The following ITFG1 variants were observed in gnomAD, a reference collection of about 807,000 sequenced individuals.
The protein encoded by ITFG1 is integrin alpha FG-GAP repeat containing 1, also known as T-cell immunomodulatory protein.
Under a neutral mutation model 81.8 loss-of-function variants are expected in ITFG1, and 34 were observed. That is an observed-to-expected ratio of 0.42 (90% CI 0.32 to 0.55). ITFG1 has a LOEUF of 0.55. Among genes scored for constraint, ITFG1 ranks in the 20% least tolerant of loss-of-function variants. The probability of loss-of-function intolerance (pLI) is 0.17; values close to 1 mark genes in which losing one functional copy is unlikely to be tolerated. For missense variants in ITFG1, 672 were observed against 755.4 expected (o/e 0.89, Z 1.29); for synonymous variants, 285 against 270.6 (o/e 1.05, Z -0.52).
At chr16:47,360,115 A>C (rs1459266275) in intron 8 of ITFG1, among the ~76,000 whole-genome samples, 1 of 152,252 alleles carries the variant, frequency 6.6e-6, no homozygotes, top group Non-Finnish European at 1.5e-5. Flanking sequence ...AAATGGAAGG[A>C]AAATGAATTG....
intron 14 of ITFG1, among the ~76,000 whole-genome samples, chr16:47,205,760 C>G (rs1049692283): frequency 3.9e-5 from 6 of 152,130 alleles, no homozygotes; most frequent in African/African-American, 1.4e-4. Flanking sequence ...GTATCATCAA[C>G]CAGTGTGCAA....
At chr16:47,406,294 T>C (rs1050022823) in intron 6 of ITFG1, among the ~76,000 whole-genome samples, 5 of 152,358 alleles carry the variant, frequency 3.3e-5, no homozygotes, top group African/African-American at 4.8e-5. Context: ...TTATTTTCTA[T>C]GTCTGCTTAG....
At chr16:47,265,381 CAG>C (rs898911720) in intron 10 of ITFG1, among the ~76,000 whole-genome samples, 3 of 151,884 alleles carry the variant, frequency 2.0e-5, no homozygotes, top group Non-Finnish European at 4.4e-5. Context: ...TGTAGGCAAA[CAG>C]AAAAGTCTTT....
chr16:47,240,866 T>G (rs981044651), intron 12 of ITFG1, among the ~76,000 whole-genome samples: 22 of 152,022 alleles, frequency 1.4e-4, no homozygotes, highest in African/African-American at 5.1e-4. Context: ...GAATGGTGCT[T>G]AGTGGGGAGT....
chr16:47,180,381 C>T (rs956261753), intron 14 of ITFG1, among the ~76,000 whole-genome samples: 1 of 151,866 alleles, frequency 6.6e-6, no homozygotes, highest in African/African-American at 2.4e-5. Context: ...CCCTCCCCCT[C>T]TCCCCACGGT....
intron 5 of ITFG1, among the ~76,000 whole-genome samples, chr16:47,439,354 G>A (rs1339048271): frequency 6.6e-6 from 1 of 152,052 alleles, no homozygotes. Context: ...GATACTCCTC[G>A]AGAACAGCAA....
At chr16:47,183,148 G>T (rs1319288877) in intron 14 of ITFG1, among the ~76,000 whole-genome samples, 1 of 152,226 alleles carries the variant, frequency 6.6e-6, no homozygotes, top group Non-Finnish European at 1.5e-5. Flanking sequence ...GAGTCTCGCT[G>T]ATTGCCAGCA....
At chr16:47,239,325 C>T (rs1468482306) in intron 12 of ITFG1, among the ~76,000 whole-genome samples, 2 of 152,136 alleles carry the variant, frequency 1.3e-5, no homozygotes, top group Admixed American at 1.3e-4. Flanking sequence ...CTCAGCCTCC[C>T]TAGTAGCTGG....
chr16:47,352,748 C>T lies in ITFG1; in HGVS notation c.802+13040G>A, dbSNP rs1967980681. On this transcript the variant is annotated intron_variant, in intron 8 of 17. Transcript: ENST00000320640. ...AATATAAATCATGCTGCTATAAAGACACATGCACACATATGTTTATTGCGA... is the reference window on the plus strand; with the variant it reads ...AATATAAATCATGCTGCTATAAAGATACATGCACACATATGTTTATTGCGA... 2.0e-5 allele frequency among the ~76,000 whole-genome samples: 3 copies of T among 152,188 alleles called. No homozygotes were observed. In the South Asian group the frequency reaches 6.2e-4, roughly 32 times the overall value.
chr16:47,235,611 C>A (rs911485256), intron 13 of ITFG1, among the ~76,000 whole-genome samples: 1 of 152,144 alleles, frequency 6.6e-6, no homozygotes, highest in African/African-American at 2.4e-5. Context: ...TTTCTATACA[C>A]CTGATAGTCT....
intron 10 of ITFG1, among the ~76,000 whole-genome samples, chr16:47,272,966 G>A (rs1204458570): frequency 6.8e-6 from 1 of 147,590 alleles, no homozygotes; most frequent in Non-Finnish European, 1.5e-5. Context: ...TAAAATTGGT[G>A]GTGTTACTCA....
At chr16:47,253,775 C>T (rs948066442) in intron 12 of ITFG1, among the ~76,000 whole-genome samples, 3 of 152,062 alleles carry the variant, frequency 2.0e-5, no homozygotes, top group African/African-American at 7.2e-5. Context: ...GGCGGTAATG[C>T]CAGTGATGGG....
intron 6 of ITFG1, among the ~76,000 whole-genome samples, chr16:47,418,412 A>T (rs1968899948): frequency 6.6e-6 from 1 of 151,654 alleles, no homozygotes; most frequent in Non-Finnish European, 1.5e-5. Flanking sequence ...TTTGTTTTTG[A>T]AATTTTTTTG....
At chr16:47,353,938 A>T (rs186288731) in intron 8 of ITFG1, among the ~76,000 whole-genome samples, 2 of 152,288 alleles carry the variant, frequency 1.3e-5, no homozygotes, top group African/African-American at 4.8e-5. Context: ...GAATTCATAA[A>T]TATAACCAAA....
At chr16:47,453,041 A>G (rs1315882609) in intron 3 of ITFG1, among the ~76,000 whole-genome samples, 1 of 152,188 alleles carries the variant, frequency 6.6e-6, no homozygotes, top group Non-Finnish European at 1.5e-5. Context: ...ATGCATCTAA[A>G]TATTTGCTAG....
intron 5 of ITFG1, among the ~76,000 whole-genome samples, chr16:47,441,346 T>C (rs897982073): frequency 2.0e-5 from 3 of 152,200 alleles, no homozygotes; most frequent in African/African-American, 4.8e-5. Context: ...AGCATCAACC[T>C]GATACCAAAG....
chr16:47,172,194 A>T (rs1964971014), intron 14 of ITFG1, among the ~76,000 whole-genome samples: 1 of 152,192 alleles, frequency 6.6e-6, no homozygotes, highest in South Asian at 2.1e-4. Context: ...TTCAAAACAT[A>T]ATCCCCAGGC....
chr16:47,249,035 A>T (rs992061696), intron 12 of ITFG1, among the ~76,000 whole-genome samples: 1 of 152,230 alleles, frequency 6.6e-6, no homozygotes, highest in African/African-American at 2.4e-5. Flanking sequence ...GTGTAACTGA[A>T]TGTTTTTTCA....
rs1011403279 is a variant in ITFG1, at chr16:47,162,534, A to G, written c.1578+6T>C. 1.3e-6 allele frequency: 2 copies of G among 1,592,266 alleles called. No homozygotes were observed. Among genetic ancestry groups the G allele is most frequent in the African/African-American group, 2.7e-5 (2 of 74,088 alleles). On this transcript the variant is annotated splice_donor_region_variant and intron_variant, in intron 15 of 17. Coordinates refer to ENST00000320640, the MANE Select transcript of ITFG1 (RefSeq NM_030790.5). ...TTAATTGTAAACAAAATGAATTTTT[A>G]CTCACTTTTTCTCCAGATGGACGGG...
Sources: gnomAD v4.1 joint callset for allele counts (sites outside exome capture counted in the v4.1 genomes callset) on GRCh38, gnomAD v4.1.1 for gene constraint, MANE v1.5 for transcripts, NCBI Gene and HGNC (gene_info 2026-07-23, HGNC 2026-07-21) for gene names.